RARB: variants seen among roughly 807,000 people sequenced by gnomAD.
The protein encoded by RARB is retinoic acid receptor beta.
RARB carries 17 observed loss-of-function variants against 51.9 expected under a neutral mutation model. The ratio of observed to expected loss-of-function variants is 0.33; its 90% CI spans 0.22 to 0.49. The LOEUF is 0.49. RARB is among the 20% of genes least tolerant of loss of function. The pLI, the probability that RARB is intolerant of heterozygous loss-of-function variation, is 0.99. For synonymous variants in RARB, 215 were observed against 195.4 expected (o/e 1.10, Z -0.84); for missense variants, 369 against 550.8 (o/e 0.67, Z 3.30).
intron 5 of RARB, among the ~76,000 whole-genome samples, chr3:25,384,298 G>C (rs191624089): frequency 1.1e-4 from 17 of 151,854 alleles, no homozygotes; most frequent in African/African-American, 4.1e-4. Flanking sequence ...TCCCTTCATT[G>C]TCTCTTCATC....
intron 2 of RARB, among the ~76,000 whole-genome samples, chr3:24,949,737 G>T (rs895832026): frequency 3.9e-5 from 6 of 152,120 alleles, no homozygotes; most frequent in African/African-American, 1.4e-4. Flanking sequence ...CGGACATTAC[G>T]CTACAGTCTC....
chr3:25,437,442 G>A (rs957758697), intron 1 of RARB, among the ~76,000 whole-genome samples: 2 of 152,154 alleles, frequency 1.3e-5, no homozygotes, highest in African/African-American at 4.8e-5. Flanking sequence ...TGTCTGCCAT[G>A]TGCCAGGCTC....
chr3:25,520,196 C>G lies in RARB; in HGVS notation c.448+18873C>G, dbSNP rs200350983. Reference sequence around the variant, plus strand: ...CCTTTAAGGAAAAAGTTTTGCCAACCCTTGCCATATTCACTCTTAAAATTT... The same window carrying G: ...CCTTTAAGGAAAAAGTTTTGCCAACGCTTGCCATATTCACTCTTAAAATTT... On this transcript the variant is annotated intron_variant, in intron 3 of 7. Coordinates refer to ENST00000330688, the MANE Select transcript of RARB (RefSeq NM_000965.5). 9.2e-5 allele frequency among the ~76,000 whole-genome samples: 14 copies of G among 152,288 alleles called. No homozygotes were observed. In the East Asian group the frequency reaches 2.7e-3, roughly 29 times the overall value.
intron 2 of RARB, among the ~76,000 whole-genome samples, chr3:25,013,770 C>A (rs961851298): frequency 2.0e-5 from 3 of 152,028 alleles, no homozygotes; most frequent in African/African-American, 7.2e-5. Flanking sequence ...CACCGGGCTT[C>A]AAGGCTCAAG....
intron 5 of RARB, chr3:25,324,642 C>A: frequency 5.8e-6 from 1 of 173,722 alleles, no homozygotes; most frequent in South Asian, 1.6e-4. Flanking sequence ...CATTATCTCC[C>A]TGGAGGGAAA....
intron 2 of RARB, among the ~76,000 whole-genome samples, chr3:25,048,965 G>T (rs1698273056): frequency 6.6e-6 from 1 of 152,066 alleles, no homozygotes; most frequent in Non-Finnish European, 1.5e-5. Flanking sequence ...TGTTAGCCAG[G>T]ATGGTCTCGA....
chr3:25,596,715 A>AAAAG lies in RARB; in HGVS notation c.*101_*104dup, dbSNP rs1330406778. The AAAAG allele has an allele frequency of 1.8e-6, 2 of 1,087,376 alleles. No homozygotes were observed. The highest frequency in any genetic ancestry group is 5.1e-5 in the East Asian group (2 of 39,032). 67.4% of individuals were successfully genotyped at this position (1,087,376 alleles called of 1,614,324 possible). The stretch of plus-strand genomic sequence containing the variant: ...TTACTGCTGCTTAGTTTTTGGACTG[A>AAAAG]AAAGATATTAAAACTCAAGAAGGAC... On this transcript the variant is annotated 3_prime_UTR_variant, in exon 8 of 8. Transcript: ENST00000330688.
chr3:24,956,638 T>A (rs578002523), intron 2 of RARB, among the ~76,000 whole-genome samples: 1 of 152,334 alleles, frequency 6.6e-6, no homozygotes, highest in East Asian at 1.9e-4. Context: ...GTTGACTATT[T>A]GCCAAAAATG....
intron 5 of RARB, among the ~76,000 whole-genome samples, chr3:25,408,798 G>A (rs796968439): frequency 5.9e-5 from 9 of 152,314 alleles, no homozygotes; most frequent in African/African-American, 2.2e-4. Context: ...CACTTTGGGA[G>A]GCTGAGGCGG....
chr3:24,840,741 GT>G (rs1198803625), intron 1 of RARB, among the ~76,000 whole-genome samples: 103 of 75,752 alleles, frequency 1.4e-3, no homozygotes, highest in Non-Finnish European at 2.1e-3. Flanking sequence ...ATGAGTAAGA[GT>G]AAAAAAAAAA....
chr3:25,039,525 T>C (rs1198058641), intron 2 of RARB, among the ~76,000 whole-genome samples: 1 of 152,174 alleles, frequency 6.6e-6, no homozygotes, highest in Non-Finnish European at 1.5e-5. Context: ...AGGAGATAGG[T>C]ATGATCCTAG....
rs535878072 is a variant in RARB at position 25,184,128 on chromosome 3, A to T, written c.178+9553A>T. ...ATAATATGAAAATCTACAAATACAGAGTTTGTTGTTTTTTTTTTCTAGTTA... is the reference window on the plus strand; with the variant it reads ...ATAATATGAAAATCTACAAATACAGTGTTTGTTGTTTTTTTTTTCTAGTTA... On this transcript the variant is annotated intron_variant, in intron 5 of 11. Coordinates refer to the RARB transcript ENST00000383772. 7.0e-3 allele frequency among the ~76,000 whole-genome samples: 989 copies of T among 141,994 alleles called. 8 individuals are homozygous for T. Among genetic ancestry groups the T allele is most frequent in the African/African-American group, 0.024 (895 of 37,612 alleles). 93.2% of individuals were successfully genotyped at this position (141,994 alleles called of 152,430 possible).
At chr3:24,934,007 A>C (rs538014547) in intron 2 of RARB, among the ~76,000 whole-genome samples, 1 of 152,168 alleles carries the variant, frequency 6.6e-6, no homozygotes, top group Non-Finnish European at 1.5e-5. Context: ...TAATCGAACA[A>C]TGTTTTGTTT....
At chr3:25,165,645 A>G (rs1700549726) in intron 4 of RARB, among the ~76,000 whole-genome samples, 2 of 152,304 alleles carry the variant, frequency 1.3e-5, no homozygotes, top group East Asian at 1.9e-4. Flanking sequence ...AAAACAAGCA[A>G]TGGTCCAAGC....
At chr3:25,338,134 CAG>C (rs1705121281) in intron 5 of RARB, among the ~76,000 whole-genome samples, 1 of 132,334 alleles carries the variant, frequency 7.6e-6, no homozygotes. Context: ...CACACACACA[CAG>C]AATTAAGCAA....
At position 25,512,959 on chromosome 3, in the gene RARB, G is replaced by A. The variant is rs139806784; in HGVS notation, c.448+11636G>A. 1.7e-3 allele frequency among the ~76,000 whole-genome samples: 252 copies of A among 152,120 alleles called. 1 individual carries two copies. Among genetic ancestry groups the A allele is most frequent in the African/African-American group, 5.8e-3 (241 of 41,488 alleles). On this transcript the variant is annotated intron_variant, in intron 3 of 7. Transcript: ENST00000330688. The stretch of plus-strand genomic sequence containing the variant: ...TTATATCTTTAATTGTGAGCCTAGT[G>A]CCTTGTACTTAATAGATATTTCTGG...
At chr3:24,849,125 A>G (rs1702522759) in intron 1 of RARB, among the ~76,000 whole-genome samples, 1 of 152,230 alleles carries the variant, frequency 6.6e-6, no homozygotes, top group Admixed American at 6.5e-5. Context: ...TTTCCTATAC[A>G]TACATGATAA....
At chr3:24,866,189 C>A (rs1002667614) in intron 2 of RARB, among the ~76,000 whole-genome samples, 1 of 152,066 alleles carries the variant, frequency 6.6e-6, no homozygotes, top group African/African-American at 2.4e-5. Context: ...TCATCTCTTA[C>A]CATTCTCTTA....
intron 3 of RARB, among the ~76,000 whole-genome samples, chr3:25,510,833 G>A (rs1042313786): frequency 1.3e-5 from 2 of 152,136 alleles, no homozygotes; most frequent in African/African-American, 4.8e-5. Flanking sequence ...AAAAATCTCA[G>A]TTTGATGCCA....
Sources: allele counts gnomAD v4.1 joint callset (sites outside exome capture counted in the v4.1 genomes callset), GRCh38; gene constraint gnomAD v4.1.1; transcripts MANE v1.5; gene names NCBI Gene and HGNC (gene_info 2026-07-23, HGNC 2026-07-21).